Variants in HEATR5B observed in about 807,000 individuals in gnomAD.
HEATR5B encodes the protein HEAT repeat-containing protein 5B.
Under a neutral mutation model 224.1 loss-of-function variants are expected in HEATR5B, and 156 were observed. The ratio of observed to expected loss-of-function variants is 0.70; its 90% confidence interval spans 0.61 to 0.80. HEATR5B has a LOEUF of 0.80. HEATR5B is among the 30% of genes least tolerant of loss of function. The pLI, the probability that HEATR5B is intolerant of heterozygous loss-of-function variation, is 0.00. For missense variants in HEATR5B, 2,323 were observed against 2,535.5 expected, an observed-to-expected ratio of 0.92 and a Z score of 1.80; for synonymous variants, 1,027 against 893.0, an observed-to-expected ratio of 1.15 and a Z score of -2.68.
Position 37,079,446 on chromosome 2 carries a change from G to A in HEATR5B, c.127-115C>T, listed in dbSNP as rs1181055286. 13 of 569,430 alleles carry A rather than the reference G, an allele frequency of 2.3e-5. No individual in the cohort carries two copies. In the East Asian group the frequency reaches 3.6e-4, roughly 16 times the overall value. The allele number at this position is 569,430 out of a possible 1,614,324, so 35.3% of individuals were successfully genotyped here. A position where few individuals can be genotyped will look rare whatever the true frequency, so the allele number is the denominator to read the frequency against. ...ACTCTAATAATTAAAAATCTATATT[G>A]TATTAAACATAAACCGTGAGAATTT... On this transcript the variant is annotated intron_variant, in intron 2 of 35. Coordinates refer to ENST00000233099, the MANE Select transcript of HEATR5B (RefSeq NM_019024.3).
At chr2:37,012,016 G>A (rs957810106) in intron 27 of HEATR5B, among the ~76,000 whole-genome samples, 1 of 151,938 alleles carries the variant, frequency 6.6e-6, no homozygotes, top group Non-Finnish European at 1.5e-5. Flanking sequence ...ATATCTTTCA[G>A]ACCTATTTTA....
intron 4 of HEATR5B, 146 bp downstream of exon 4, chr2:37,076,765 A>G: frequency 1.6e-6 from 1 of 606,396 alleles, no homozygotes; most frequent in South Asian, 2.2e-5. Flanking sequence ...ATATACATTA[A>G]AAGAAGGGAC....
chr2:37,070,611 T>G (rs1485505434), intron 6 of HEATR5B, among the ~76,000 whole-genome samples: 1 of 152,128 alleles, frequency 6.6e-6, no homozygotes, highest in East Asian at 1.9e-4. Context: ...AGCAATTCAA[T>G]AAATCTACGC....
intron 27 of HEATR5B, among the ~76,000 whole-genome samples, chr2:37,009,676 A>T (rs1238791391): frequency 6.6e-6 from 1 of 151,892 alleles, no homozygotes; most frequent in Admixed American, 6.6e-5. Flanking sequence ...AAAAAAACTG[A>T]TCTGACTTCT....
At chr2:36,989,744 G>A (rs1666193968) in intron 34 of HEATR5B, among the ~76,000 whole-genome samples, 1 of 152,062 alleles carries the variant, frequency 6.6e-6, no homozygotes, top group South Asian at 2.1e-4. Context: ...GGACACAGTG[G>A]AAGAAAACCA....
At chr2:37,058,766 A>G (rs1428481698) in intron 13 of HEATR5B, 122 bp downstream of exon 13, 1 of 710,764 alleles carries the variant, frequency 1.4e-6, no homozygotes, top group Non-Finnish European at 2.3e-6. Context: ...TTTTAAAGTT[A>G]TATTACAAAA....
chr2:37,072,531 T>C (rs2148591156), intron 5 of HEATR5B, among the ~76,000 whole-genome samples: 1 of 152,196 alleles, frequency 6.6e-6, no homozygotes, highest in Non-Finnish European at 1.5e-5. Flanking sequence ...CATGTAACAC[T>C]AAACCACCAC....
chr2:37,033,676 G>T (rs997072710), intron 21 of HEATR5B, among the ~76,000 whole-genome samples: 6 of 152,084 alleles, frequency 3.9e-5, no homozygotes, highest in African/African-American at 1.2e-4. Flanking sequence ...TAAAAGTTAA[G>T]AACTCAGGCA....
intron 35 of HEATR5B, among the ~76,000 whole-genome samples, chr2:36,983,664 G>GTC (rs1224822967): frequency 6.6e-6 from 1 of 151,986 alleles, no homozygotes; most frequent in African/African-American, 2.4e-5. Context: ...GGAGGCAGAG[G>GTC]TCTCAGCGAG....
Position 37,014,036 on chromosome 2 carries a change from T to A in HEATR5B, c.4105-16A>T. ...TACTACATACCTAGACAAAGAGAATTCAAAAACTTTTGTGTAAAAAAAATT... is the reference window on the plus strand; with the variant it reads ...TACTACATACCTAGACAAAGAGAATACAAAAACTTTTGTGTAAAAAAAATT... On this transcript the variant is annotated splice_polypyrimidine_tract_variant and intron_variant, in intron 26 of 35. Coordinates refer to ENST00000233099, the MANE Select transcript of HEATR5B (RefSeq NM_019024.3). 1 of 1,457,886 alleles carries A rather than the reference T, an allele frequency of 6.9e-7. No homozygotes were observed. The highest frequency in any genetic ancestry group is 9.2e-7 in the Non-Finnish European group (1 of 1,088,582). The allele number at this position is 1,457,886 out of a possible 1,614,324, so 90.3% of individuals were successfully genotyped here.
At position 37,032,680 on chromosome 2, in the gene HEATR5B, A is replaced by C; in HGVS notation, c.3310T>G (p.Tyr1104Asp). ...GTATTTTTTGCCAGGCTCATGGCATATTCACATACTTCCGCTGCTTCTCTT... is the reference window on the plus strand; with the variant it reads ...GTATTTTTTGCCAGGCTCATGGCATCTTCACATACTTCCGCTGCTTCTCTT... ...AQREAAEVCE[Y>D]AMSLAKNTGD... Residue 1104 changes from tyrosine to aspartate, a missense_variant, in exon 22 of 36, where the codon TAT becomes GAT. Physicochemically the swap from Tyr to Asp is radical, Grantham distance 160 (BLOSUM62 -3). Around this residue, in one of 12 missense-constraint regions of HEATR5B, gnomAD observed 339 missense variants for 378.4 expected, o/e 0.90. Coordinates refer to ENST00000233099, the MANE Select transcript of HEATR5B (RefSeq NM_019024.3). 6.2e-7 allele frequency: 1 copy of C among 1,614,102 alleles called. No homozygotes were observed.
chr2:36,990,660 T>C lies in HEATR5B; in HGVS notation c.5685A>G (p.Ser1895=), dbSNP rs748416531. ...ACGTGTAACTTACCCATGGGTCGCATGAATTTAATGCATTTTTAAATCTGT... is the reference window on the plus strand; with the variant it reads ...ACGTGTAACTTACCCATGGGTCGCACGAATTTAATGCATTTTTAAATCTGT... ...CMNRFKNALN[S]CDPWVQAKCY... is the part of the protein sequence containing the mutation. The change falls in exon 34 of 36, where the codon TCA becomes TCG. Residue 1895 remains serine (S), a synonymous_variant. Transcript: ENST00000233099. 6.3e-7 allele frequency: 1 copy of C among 1,589,846 alleles called. No individual in the cohort carries two copies. The highest frequency in any genetic ancestry group is 1.1e-5 in the South Asian group (1 of 87,120).
intron 2 of HEATR5B, among the ~76,000 whole-genome samples, chr2:37,082,333 G>A (rs573671846): frequency 6.6e-6 from 1 of 152,076 alleles, no homozygotes; most frequent in Admixed American, 6.5e-5. Flanking sequence ...ACCCACCTCA[G>A]CTTCCCAACG....
At chr2:37,007,593 C>CCAAAGTGCTGGGATTACAGGCA (rs1258885065) in intron 28 of HEATR5B, among the ~76,000 whole-genome samples, 5 of 152,038 alleles carry the variant, frequency 3.3e-5, no homozygotes, top group African/African-American at 1.2e-4. Flanking sequence ...CCTCAGCCTC[C>CCAAAGTGCTGGGATTACAGGCA]CAAAGTGCTG....
intron 35 of HEATR5B, among the ~76,000 whole-genome samples, chr2:36,983,322 G>C (rs1247980185): frequency 6.6e-6 from 1 of 151,160 alleles, no homozygotes; most frequent in East Asian, 1.9e-4. Flanking sequence ...CTGGTCAGGA[G>C]TTTGAGACCA....
At chr2:36,994,944 G>T (rs1666590440) in intron 33 of HEATR5B, among the ~76,000 whole-genome samples, 1 of 151,536 alleles carries the variant, frequency 6.6e-6, no homozygotes, top group African/African-American at 2.4e-5. Flanking sequence ...TAGAGACGGG[G>T]TTTCACCATG....
At chr2:37,084,012 C>G (rs1672807572) in intron 1 of HEATR5B, among the ~76,000 whole-genome samples, 2 of 152,184 alleles carry the variant, frequency 1.3e-5, no homozygotes, top group African/African-American at 4.8e-5. Context: ...CGAGAAGCCT[C>G]GCGCGCTCGG....
chr2:37,022,690 C>T (rs905116180), intron 24 of HEATR5B, among the ~76,000 whole-genome samples: 3 of 152,104 alleles, frequency 2.0e-5, no homozygotes, highest in African/African-American at 2.4e-5. Context: ...AAGAAGGAAA[C>T]GACCTTTATA....
intron 33 of HEATR5B, among the ~76,000 whole-genome samples, chr2:36,998,382 A>G (rs1195744523): frequency 1.3e-5 from 2 of 152,376 alleles, no homozygotes; most frequent in East Asian, 1.9e-4. Context: ...GCAAAATTAA[A>G]AAGTCTAACA....
Sources: gnomAD v4.1 joint callset for allele counts (sites outside exome capture counted in the v4.1 genomes callset) on GRCh38, gnomAD v4.1.1 for gene constraint, gnomAD v4.1.1 regional missense constraint, MANE v1.5 for transcripts, NCBI Gene and HGNC (gene_info 2026-07-23, HGNC 2026-07-21) for gene names.